MEMO1: variants seen among roughly 807,000 people sequenced by gnomAD.
The protein encoded by MEMO1 is protein MEMO1.
In MEMO1, 6 loss-of-function variants were observed where a neutral mutation model predicts 45.2. That is an observed-to-expected ratio of 0.13 (90% confidence interval 0.07 to 0.26). The LOEUF is 0.26. Ranked by LOEUF, MEMO1 falls within the 10% of genes least tolerant of loss-of-function variation. The pLI, the probability that MEMO1 is intolerant of heterozygous loss-of-function variation, is 1.00. For missense variants in MEMO1, 184 were observed against 370.5 expected (o/e 0.50, Z 4.13); for synonymous variants, 78 against 124.3 (o/e 0.63, Z 2.48).
At chr2:31,926,748 G>A (rs549437982) in intron 4 of MEMO1, among the ~76,000 whole-genome samples, 4 of 152,052 alleles carry the variant, frequency 2.6e-5, no homozygotes, top group South Asian at 4.2e-4. Context: ...TCGGGAGACC[G>A]AGGCAGGAGA....
chr2:31,876,473 T>G (rs933416518), intron 8 of MEMO1, among the ~76,000 whole-genome samples: 4 of 152,198 alleles, frequency 2.6e-5, no homozygotes, highest in Non-Finnish European at 5.9e-5. Context: ...CTTTTAAAAT[T>G]AACACATATC....
chr2:31,876,148 T>G (rs1198797393), intron 8 of MEMO1, among the ~76,000 whole-genome samples: 1 of 152,226 alleles, frequency 6.6e-6, no homozygotes, highest in Non-Finnish European at 1.5e-5. Flanking sequence ...CTGCCTCTTT[T>G]ATACACACCA....
intron 2 of MEMO1, among the ~76,000 whole-genome samples, chr2:31,973,897 G>A (rs1421941170): frequency 3.9e-5 from 6 of 152,162 alleles, no homozygotes; most frequent in Non-Finnish European, 7.3e-5. Flanking sequence ...GGTGGTAGTT[G>A]CACAACATTG....
chr2:31,917,361 A>G (rs1390723625), intron 6 of MEMO1, among the ~76,000 whole-genome samples: 1 of 152,188 alleles, frequency 6.6e-6, no homozygotes, highest in Non-Finnish European at 1.5e-5. Flanking sequence ...TGTGCTGGAC[A>G]CTGTGCTAGG....
chr2:31,868,617 T>C (rs1035243289), intron 9 of MEMO1, 125 bp from the exon 10 acceptor site: 10 of 863,322 alleles, frequency 1.2e-5, no homozygotes, highest in African/African-American at 5.3e-5. Context: ...CTCTTTTGTT[T>C]CTTGAATTTC....
chr2:31,913,083 T>G (rs1680843595), intron 6 of MEMO1, among the ~76,000 whole-genome samples: 1 of 151,684 alleles, frequency 6.6e-6, no homozygotes, highest in South Asian at 2.1e-4. Flanking sequence ...TGGAGACCAT[T>G]CTGGCCAACA....
At chr2:31,914,491 T>G (rs1681110276) in intron 6 of MEMO1, among the ~76,000 whole-genome samples, 2 of 152,152 alleles carry the variant, frequency 1.3e-5, no homozygotes, top group African/African-American at 4.8e-5. Context: ...TAAAAGAATA[T>G]AACTGGATTG....
At chr2:31,972,933 T>C (rs1289713010) in intron 2 of MEMO1, among the ~76,000 whole-genome samples, 1 of 152,132 alleles carries the variant, frequency 6.6e-6, no homozygotes, top group Non-Finnish European at 1.5e-5. Flanking sequence ...ATCATGGAAA[T>C]GTAAATCAAA....
intron 3 of MEMO1, among the ~76,000 whole-genome samples, chr2:31,937,268 G>T (rs1665026762): frequency 6.6e-6 from 1 of 152,120 alleles, no homozygotes; most frequent in Non-Finnish European, 1.5e-5. Flanking sequence ...TTACATAATA[G>T]AATCTCATAA....
intron 2 of MEMO1, among the ~76,000 whole-genome samples, chr2:31,998,393 C>A (rs1339435370): frequency 6.6e-6 from 1 of 152,158 alleles, no homozygotes; most frequent in Non-Finnish European, 1.5e-5. Context: ...CTTATAGGAT[C>A]TCCCTCATCC....
chr2:31,999,555 A>T (rs555562296), intron 2 of MEMO1, among the ~76,000 whole-genome samples: 7 of 152,234 alleles, frequency 4.6e-5, no homozygotes, highest in African/African-American at 1.7e-4. Flanking sequence ...CTGTAGTCCC[A>T]GCTACTCAGG....
At chr2:31,901,264 T>C (rs1268524357) in intron 6 of MEMO1, among the ~76,000 whole-genome samples, 1 of 148,878 alleles carries the variant, frequency 6.7e-6, no homozygotes, top group Non-Finnish European at 1.5e-5. Context: ...TCCCAGCTAC[T>C]TGGGAGGCGG....
At chr2:31,932,246 G>C in intron 3 of MEMO1, 111 bp from the exon 4 acceptor site, 5 of 793,054 alleles carry the variant, frequency 6.3e-6, no homozygotes, top group Non-Finnish European at 8.2e-6. Flanking sequence ...ACAGAATTGA[G>C]AGCATATGTT....
chr2:31,889,023 G>C (rs908739708), intron 7 of MEMO1, among the ~76,000 whole-genome samples: 2 of 151,974 alleles, frequency 1.3e-5, no homozygotes, highest in African/African-American at 4.8e-5. Context: ...TGTTTATAAA[G>C]AACACTGGCT....
At chr2:31,878,607 A>G (rs751209918) in intron 8 of MEMO1, among the ~76,000 whole-genome samples, 7 of 152,186 alleles carry the variant, frequency 4.6e-5, no homozygotes, top group Non-Finnish European at 7.4e-5. Flanking sequence ...AGTGGAAATT[A>G]TGTACGGTGT....
At chr2:31,902,554 T>A (rs1349785163) in intron 6 of MEMO1, among the ~76,000 whole-genome samples, 5 of 152,148 alleles carry the variant, frequency 3.3e-5, no homozygotes, top group Non-Finnish European at 7.4e-5. Context: ...AGCCTCAATT[T>A]TGCCATCTGA....
At position 31,932,084 on chromosome 2, in the gene MEMO1, T is replaced by C; in HGVS notation, c.195A>G (p.Gln65=). 6.2e-7 allele frequency: 1 copy of C among 1,613,660 alleles called. No homozygotes were observed. Among genetic ancestry groups the C allele is most frequent in the Non-Finnish European group, 8.5e-7 (1 of 1,179,800 alleles). The change falls in exon 4 of 10, where the codon CAA becomes CAG. Residue 65 remains glutamine (Q), a synonymous_variant. Coordinates refer to ENST00000404530, the MANE Select transcript of MEMO1 (RefSeq NM_001301833.4). ...TTACTTACGTAATAGACGGATCCAC[T>C]TGTTTATAAGCATGGGCAGCACAAG... The part of the protein sequence containing the change: ...CGSCAAHAYK[Q]VDPSITRRIF...
At chr2:31,909,019 G>C (rs1381751298) in intron 6 of MEMO1, among the ~76,000 whole-genome samples, 2 of 152,186 alleles carry the variant, frequency 1.3e-5, no homozygotes, top group African/African-American at 4.8e-5. Flanking sequence ...GGGCACCTGT[G>C]TAATAACAGG....
chr2:31,885,563 C>T (rs1676072043), intron 7 of MEMO1, among the ~76,000 whole-genome samples: 1 of 152,126 alleles, frequency 6.6e-6, no homozygotes, highest in Admixed American at 6.5e-5. Context: ...CAAAGCTGTC[C>T]AAAATCTTTC....
Sources: allele counts gnomAD v4.1 joint callset (sites outside exome capture counted in the v4.1 genomes callset), GRCh38; gene constraint gnomAD v4.1.1; transcripts MANE v1.5; gene names NCBI Gene and HGNC (gene_info 2026-07-23, HGNC 2026-07-21).